DOCK10: variants seen among roughly 807,000 people sequenced by gnomAD.
DOCK10 encodes the protein dedicator of cytokinesis protein 10.
DOCK10 carries 145 observed loss-of-function variants against 280.1 expected under a neutral mutation model. The observed-to-expected ratio is 0.52, with a 90% confidence interval of 0.45 to 0.59. The LOEUF is 0.59. Among genes scored for constraint, DOCK10 ranks in the 20% least tolerant of loss-of-function variants. The probability of loss-of-function intolerance (pLI) is 0.00; values close to 1 mark genes in which losing one functional copy is unlikely to be tolerated. For synonymous variants in DOCK10, 915 were observed against 942.2 expected (o/e 0.97, Z 0.53); for missense variants, 2,368 against 2,651.7 (o/e 0.89, Z 2.35).
intron 19 of DOCK10, among the ~76,000 whole-genome samples, chr2:224,848,946 C>A (rs1696541551): frequency 1.3e-5 from 2 of 152,152 alleles, no homozygotes; most frequent in Admixed American, 1.3e-4. Context: ...TATCCCAGCA[C>A]TAAAAGCATC....
chr2:224,998,149 G>A (rs1394237788), intron 1 of DOCK10, among the ~76,000 whole-genome samples: 1 of 152,096 alleles, frequency 6.6e-6, no homozygotes, highest in East Asian at 1.9e-4. Context: ...TCAATCTCAT[G>A]GTGCCCTGGG....
At chr2:224,840,429 C>T (rs1695887860) in intron 23 of DOCK10, among the ~76,000 whole-genome samples, 1 of 152,034 alleles carries the variant, frequency 6.6e-6, no homozygotes, top group African/African-American at 2.4e-5. Flanking sequence ...AAACAAATAA[C>T]CCAATGAAAA....
intron 3 of DOCK10, among the ~76,000 whole-genome samples, chr2:224,904,816 C>T (rs1210188166): frequency 6.6e-6 from 1 of 151,834 alleles, no homozygotes; most frequent in African/African-American, 2.4e-5. Flanking sequence ...ATATGTGGTC[C>T]AAAATTAAAC....
chr2:225,007,954 ATT>A (rs374648860), intron 1 of DOCK10, among the ~76,000 whole-genome samples: 1 of 149,276 alleles, frequency 6.7e-6, no homozygotes, highest in South Asian at 2.1e-4. Context: ...CTATCATCTA[ATT>A]TTTTTTTTTC....
intron 7 of DOCK10, among the ~76,000 whole-genome samples, chr2:224,882,447 T>C (rs571902015): frequency 6.6e-6 from 1 of 152,286 alleles, no homozygotes; most frequent in Admixed American, 6.5e-5. Flanking sequence ...TTCAGGAAAT[T>C]GTCAGTCATA....
intron 1 of DOCK10, among the ~76,000 whole-genome samples, chr2:225,030,002 C>G (rs1323060342): frequency 6.6e-6 from 1 of 151,488 alleles, no homozygotes; most frequent in East Asian, 1.9e-4. Flanking sequence ...AAAAATTAAC[C>G]AGGTGTGGTG....
intron 25 of DOCK10, among the ~76,000 whole-genome samples, chr2:224,835,548 A>G (rs557865261): frequency 6.6e-6 from 1 of 152,354 alleles, no homozygotes; most frequent in Admixed American, 6.5e-5. Flanking sequence ...ATTGAATATC[A>G]CATCTTTGGA....
At chr2:224,892,375 G>A (rs1287771311) in intron 4 of DOCK10, among the ~76,000 whole-genome samples, 2 of 136,912 alleles carry the variant, frequency 1.5e-5, no homozygotes, top group Non-Finnish European at 3.1e-5. Flanking sequence ...CTCCAGCCTG[G>A]GGACGAAGTG....
rs779705781 is a variant in DOCK10 at position 224,816,653 on chromosome 2, G to C, written c.3328C>G (p.Pro1110Ala). 1.8e-5 allele frequency: 29 copies of C among 1,608,850 alleles called. No homozygotes were observed. The Middle Eastern group carries it at 4.9e-4, about 27-fold the overall frequency. The change falls in exon 30 of 56, where the codon CCT (proline) becomes GCT (alanine). Residue 1110 changes from proline to alanine, a missense_variant. Pro to Ala is a conservative substitution (Grantham distance 27). Coordinates refer to ENST00000258390, the MANE Select transcript of DOCK10 (RefSeq NM_014689.3). ...QEVCQHEHFI[P>A]LCLPIRSANI... ...GCTGATCTTATGGGCAGACACAAAG[G>C]GATAAAGTGTTCATGTTGACATACT... is the stretch of plus-strand genomic sequence containing the variant.
At chr2:224,931,403 T>A in intron 2 of DOCK10, 146 bp downstream of exon 2, 1 of 884,416 alleles carries the variant, frequency 1.1e-6, no homozygotes, top group Non-Finnish European at 1.6e-6. Context: ...GGGTACTTTC[T>A]ATTATAGGAT....
chr2:225,029,165 T>TTTTA (rs895217481), intron 1 of DOCK10, among the ~76,000 whole-genome samples: 27 of 152,214 alleles, frequency 1.8e-4, no homozygotes, highest in East Asian at 9.6e-4. Flanking sequence ...TTCTATTTTA[T>TTTTA]TTTATTTATT....
At chr2:224,996,799 T>C (rs1402600239) in intron 1 of DOCK10, among the ~76,000 whole-genome samples, 1 of 152,182 alleles carries the variant, frequency 6.6e-6, no homozygotes, top group Non-Finnish European at 1.5e-5. Flanking sequence ...AGATTAAATT[T>C]CAGGGTGAAA....
intron 1 of DOCK10, among the ~76,000 whole-genome samples, chr2:224,986,116 T>C (rs1463750982): frequency 2.0e-5 from 3 of 152,226 alleles, no homozygotes; most frequent in South Asian, 4.1e-4. Context: ...CTGAGTCTTC[T>C]GACACATAAT....
In DOCK10 at chr2:224,793,035, C is replaced by T; in HGVS notation, c.5250G>A (p.Leu1750=). 6.2e-7 allele frequency: 1 copy of T among 1,613,368 alleles called. No individual in the cohort carries two copies. Among genetic ancestry groups the T allele is most frequent in the South Asian group, 1.1e-5 (1 of 91,006 alleles). Residue 1750 remains leucine, a synonymous_variant, in exon 47 of 56, where the codon CTG becomes CTA. Transcript: ENST00000258390. ...WKVEKICTAS[L]LSEDTHPCDS... is the part of the protein sequence containing the mutation. ...CACAGGGGTGGGTATCCTCCGAGAG[C>T]AGGGATGCTGTGCAAATCTTTTCCA...
At chr2:224,968,401 A>C (rs1704896715) in intron 1 of DOCK10, among the ~76,000 whole-genome samples, 1 of 152,252 alleles carries the variant, frequency 6.6e-6, no homozygotes, top group Admixed American at 6.5e-5. Context: ...TCAACCCCAC[A>C]CAACAGTTCT....
chr2:224,822,875 T>C lies in DOCK10; in HGVS notation c.3183+626A>G, dbSNP rs1047400881. 4.6e-5 allele frequency among the ~76,000 whole-genome samples: 7 copies of C among 152,170 alleles called. No homozygotes were observed. The East Asian group carries it at 9.6e-4, about 21-fold the overall frequency. ...GTCCAAGAGAATAATATTACTGTAG[T>C]GCAGCTTCCTTTTTAAAAATTTCAT... On this transcript the variant is annotated intron_variant, in intron 28 of 55. Coordinates refer to ENST00000258390, the MANE Select transcript of DOCK10 (RefSeq NM_014689.3).
chr2:224,791,496 G>T (rs1692190678), intron 47 of DOCK10, among the ~76,000 whole-genome samples: 1 of 146,532 alleles, frequency 6.8e-6, no homozygotes, highest in South Asian at 2.1e-4. Flanking sequence ...ATGGAGTCTT[G>T]CTCTGTTGTC....
intron 1 of DOCK10, among the ~76,000 whole-genome samples, chr2:225,001,405 T>C (rs1680720448): frequency 6.7e-6 from 1 of 149,620 alleles, no homozygotes; most frequent in Non-Finnish European, 1.5e-5. Flanking sequence ...TTCTCCTGCC[T>C]CAGCCTCCCA....
intron 28 of DOCK10, among the ~76,000 whole-genome samples, chr2:224,821,835 C>T (rs540227326): frequency 1.3e-5 from 2 of 152,202 alleles, no homozygotes; most frequent in Admixed American, 1.3e-4. Flanking sequence ...TAGAAAACTA[C>T]AGTAACTTTT....
Sources: allele counts gnomAD v4.1 joint callset (sites outside exome capture counted in the v4.1 genomes callset), GRCh38; gene constraint gnomAD v4.1.1; transcripts MANE v1.5; gene names NCBI Gene and HGNC (gene_info 2026-07-23, HGNC 2026-07-21).